The following SLC24A3 variants were observed in gnomAD, a reference collection of about 807,000 sequenced individuals.
SLC24A3 encodes the protein sodium/potassium/calcium exchanger 3.
SLC24A3 carries 28 observed loss-of-function variants against 75.8 expected under a neutral mutation model. The ratio of observed to expected loss-of-function variants is 0.37; its 90% confidence interval spans 0.27 to 0.51. SLC24A3 has a LOEUF of 0.51. SLC24A3 is among the 20% of genes least tolerant of loss of function. SLC24A3 has a pLI of 0.94. For missense variants in SLC24A3, 663 were observed against 847.8 expected (o/e 0.78, Z 2.71); for synonymous variants, 372 against 334.1 (o/e 1.11, Z -1.24).
At chr20:19,692,388 A>G (rs112247165) in intron 12 of SLC24A3, among the ~76,000 whole-genome samples, 5,088 of 152,260 alleles carry the variant, frequency 0.033, 164 homozygotes, top group Non-Finnish European at 0.043. Flanking sequence ...ATGCTCACCC[A>G]CCGCCATATG....
Position 19,654,130 on chromosome 20 carries a change from C to G in SLC24A3, c.681C>G (p.Leu227=). ...SIYYTLSVIA[L]IVFIYDEKVS... ...ACTACACGCTGTCTGTGATCGCGCT[C>G]ATCGTGGTGAGTCACTCTGGCCATT... The change falls in exon 7 of 17, where the codon CTC becomes CTG. Residue 227 remains leucine (L), a synonymous_variant. Coordinates refer to ENST00000328041, the MANE Select transcript of SLC24A3 (RefSeq NM_020689.4). 6.2e-7 allele frequency: 1 copy of G among 1,613,720 alleles called. No individual in the cohort carries two copies. The highest frequency in any genetic ancestry group is 1.3e-5 in the African/African-American group (1 of 75,020).
chr20:19,487,878 C>T (rs1359016166), intron 2 of SLC24A3, among the ~76,000 whole-genome samples: 1 of 152,184 alleles, frequency 6.6e-6, no homozygotes, highest in Non-Finnish European at 1.5e-5. Flanking sequence ...TTATGATTAG[C>T]TGCTGCTTCC....
chr20:19,598,080 A>C (rs995995608), intron 6 of SLC24A3, among the ~76,000 whole-genome samples: 1 of 152,228 alleles, frequency 6.6e-6, no homozygotes, highest in African/African-American at 2.4e-5. Flanking sequence ...AAAATGGAGA[A>C]GTGAAGGACA....
chr20:19,562,399 C>T lies in SLC24A3; in HGVS notation c.349-17601C>T, dbSNP rs113231693. On this transcript the variant is annotated intron_variant, in intron 3 of 16. Transcript: ENST00000328041. Reference sequence around the variant, plus strand: ...AGGACATACTGAGACCAGGAGTCATCTGTGCTGATGTCCAGGTACCAAGGT... The same window carrying T: ...AGGACATACTGAGACCAGGAGTCATTTGTGCTGATGTCCAGGTACCAAGGT... Among the ~76,000 whole-genome samples, 71 of 152,282 alleles carry T rather than the reference C, an allele frequency of 4.7e-4. No individual in the cohort carries two copies. The Middle Eastern group carries it at 0.01, about 22-fold the overall frequency.
intron 2 of SLC24A3, among the ~76,000 whole-genome samples, chr20:19,282,343 G>C (rs1165814418): frequency 6.6e-6 from 1 of 152,216 alleles, no homozygotes; most frequent in Admixed American, 6.5e-5. Context: ...TGTAGTCTAT[G>C]TTCCTCAACC....
rs1250842250 is a variant in SLC24A3, at chr20:19,580,154, C to G, written c.423+80C>G. 2.3e-6 allele frequency: 3 copies of G among 1,308,780 alleles called. No homozygotes were observed. The East Asian group carries it at 7.0e-5, about 30-fold the overall frequency. 81.1% of individuals were successfully genotyped at this position (1,308,780 alleles called of 1,614,324 possible). A position where few individuals can be genotyped will look rare whatever the true frequency, so the allele number is the denominator to read the frequency against. ...CCCTGTACTGTTCCAGCCTCCTCACCAAAGTCCTGGGGAGCCCTCGCAGGG... is the reference window on the plus strand; with the variant it reads ...CCCTGTACTGTTCCAGCCTCCTCACGAAAGTCCTGGGGAGCCCTCGCAGGG... On this transcript the variant is annotated intron_variant, in intron 4 of 16. Coordinates refer to ENST00000328041, the MANE Select transcript of SLC24A3 (RefSeq NM_020689.4).
intron 2 of SLC24A3, among the ~76,000 whole-genome samples, chr20:19,416,631 T>C (rs942125474): frequency 2.0e-5 from 3 of 152,112 alleles, no homozygotes; most frequent in Non-Finnish European, 4.4e-5. Flanking sequence ...ATTGATATAG[T>C]ACAAGAGAGA....
chr20:19,226,808 A>G (rs372784254), intron 1 of SLC24A3, among the ~76,000 whole-genome samples: 13 of 152,316 alleles, frequency 8.5e-5, no homozygotes, highest in South Asian at 6.2e-4. Flanking sequence ...ATTTGAATCC[A>G]GGCAGTCTGA....
chr20:19,691,495 C>A (rs1439841577), intron 12 of SLC24A3, among the ~76,000 whole-genome samples: 4 of 152,256 alleles, frequency 2.6e-5, no homozygotes, highest in African/African-American at 9.6e-5. Context: ...CAGTGGAGGC[C>A]AGTGGAAGGT....
intron 6 of SLC24A3, among the ~76,000 whole-genome samples, chr20:19,610,711 G>T (rs932385314): frequency 3.6e-4 from 55 of 152,250 alleles, no homozygotes; most frequent in African/African-American, 1.2e-3. Flanking sequence ...TTGACCCCAT[G>T]GTGGAATCCT....
intron 2 of SLC24A3, among the ~76,000 whole-genome samples, chr20:19,449,105 C>T (rs184004916): frequency 7.9e-5 from 12 of 152,216 alleles, no homozygotes; most frequent in Non-Finnish European, 1.8e-4. Context: ...TGGGAAGGGC[C>T]CATCAAGGGG....
chr20:19,502,724 T>C (rs1988402368), intron 2 of SLC24A3, among the ~76,000 whole-genome samples: 1 of 151,704 alleles, frequency 6.6e-6, no homozygotes, highest in African/African-American at 2.4e-5. Context: ...TGAAGTCAAA[T>C]ATATAATAAA....
rs1029606041 is a variant in SLC24A3, at chr20:19,397,651, T to C, written c.271+116564T>C. ...GTTGTGCTTTTTTTTTCTTTTCTTT[T>C]TTTTTTTTTTTTTTTTGAGTGGTAA... On this transcript the variant is annotated intron_variant, in intron 2 of 16. Coordinates refer to ENST00000328041, the MANE Select transcript of SLC24A3 (RefSeq NM_020689.4). Among the ~76,000 whole-genome samples, 3 of 93,076 alleles carry C rather than the reference T, an allele frequency of 3.2e-5. No individual in the cohort carries two copies. In the Admixed American group the frequency reaches 3.7e-4, roughly 11 times the overall value. 61.1% of individuals were successfully genotyped at this position (93,076 alleles called of 152,430 possible).
At chr20:19,455,210 A>G (rs1987558171) in intron 2 of SLC24A3, among the ~76,000 whole-genome samples, 1 of 152,210 alleles carries the variant, frequency 6.6e-6, no homozygotes, top group Non-Finnish European at 1.5e-5. Flanking sequence ...GAGGAAGGGG[A>G]CAGATGGATC....
At chr20:19,317,372 C>T (rs937848258) in intron 2 of SLC24A3, among the ~76,000 whole-genome samples, 2 of 152,194 alleles carry the variant, frequency 1.3e-5, no homozygotes, top group Admixed American at 6.5e-5. Flanking sequence ...CATTCGAGGT[C>T]TTAGAATCAT....
chr20:19,707,439 G>A (rs115464854), intron 15 of SLC24A3, among the ~76,000 whole-genome samples: 1,545 of 152,300 alleles, frequency 0.01, 25 homozygotes, highest in African/African-American at 0.035. Context: ...GAAGTAAGTC[G>A]GGAAAGGCAA....
At chr20:19,618,163 C>T (rs868337850) in intron 6 of SLC24A3, among the ~76,000 whole-genome samples, 87 of 152,292 alleles carry the variant, frequency 5.7e-4, no homozygotes, top group African/African-American at 2.1e-3. Context: ...GCCCACTTTC[C>T]AGCCCCAGCA....
At chr20:19,366,527 AC>A (rs769449137) in intron 2 of SLC24A3, among the ~76,000 whole-genome samples, 2 of 152,066 alleles carry the variant, frequency 1.3e-5, no homozygotes, top group African/African-American at 2.4e-5. Context: ...ATCCCTAATG[AC>A]CAGCCCTTAC....
At chr20:19,232,138 A>G (rs1218540466) in intron 1 of SLC24A3, among the ~76,000 whole-genome samples, 1 of 98,022 alleles carries the variant, frequency 1.0e-5, no homozygotes, top group Non-Finnish European at 1.8e-5. Context: ...AATAGAAGAA[A>G]TTGAGTTAAA....
Sources: gnomAD v4.1 joint callset for allele counts (sites outside exome capture counted in the v4.1 genomes callset) on GRCh38, gnomAD v4.1.1 for gene constraint, MANE v1.5 for transcripts, NCBI Gene and HGNC (gene_info 2026-07-23, HGNC 2026-07-21) for gene names.